CSMD1: variants seen among roughly 807,000 people sequenced by gnomAD.
CSMD1 encodes CUB and sushi domain-containing protein 1.
A neutral mutation model predicts 417.5 loss-of-function variants in CSMD1; 213 were observed. That is an observed-to-expected ratio of 0.51 (90% confidence interval 0.46 to 0.57). The LOEUF (loss-of-function observed/expected upper bound fraction) is 0.57, where lower values mean the gene tolerates loss of function less well. CSMD1 is among the 20% of genes least tolerant of loss of function. The pLI is 0.00. For synonymous variants in CSMD1, 2,862 were observed against 1,736.8 expected, an observed-to-expected ratio of 1.65 and a Z score of -16.11; for missense variants, 6,923 against 4,529.7, an observed-to-expected ratio of 1.53 and a Z score of -15.17.
intron 3 of CSMD1, among the ~76,000 whole-genome samples, chr8:4,164,880 G>GA (rs35866569): frequency 0.014 from 1,508 of 107,938 alleles, 14 homozygotes; most frequent in Non-Finnish European, 0.02. Context: ...CCATCTCAAA[G>GA]AAAAAAAAAA....
intron 3 of CSMD1, among the ~76,000 whole-genome samples, chr8:4,102,647 T>G (rs1187884268): frequency 6.6e-6 from 1 of 152,196 alleles, no homozygotes; most frequent in South Asian, 2.1e-4. Context: ...AAATGTTTTT[T>G]GCTGTAAAAC....
intron 3 of CSMD1, among the ~76,000 whole-genome samples, chr8:4,146,657 G>A (rs1052487066): frequency 4.9e-5 from 6 of 121,760 alleles, no homozygotes; most frequent in Admixed American, 2.1e-4. Flanking sequence ...CGTCCCCCAG[G>A]CTGGAGCGCA....
chr8:3,626,403 T>C (rs1563210958), intron 7 of CSMD1, among the ~76,000 whole-genome samples: 1 of 152,202 alleles, frequency 6.6e-6, no homozygotes, highest in Admixed American at 6.5e-5. Context: ...CCAGTTTATA[T>C]TACTTTGCAT....
At chr8:3,557,947 T>C (rs550341606) in intron 10 of CSMD1, among the ~76,000 whole-genome samples, 5 of 152,176 alleles carry the variant, frequency 3.3e-5, no homozygotes, top group Non-Finnish European at 7.4e-5. Flanking sequence ...TGCAAAAACA[T>C]TGTGGAATGT....
chr8:3,174,242 C>T (rs1473584602), intron 37 of CSMD1, among the ~76,000 whole-genome samples: 3 of 152,110 alleles, frequency 2.0e-5, no homozygotes, highest in East Asian at 1.9e-4. Context: ...GCCTGTAATC[C>T]CAGCACTTTG....
intron 2 of CSMD1, among the ~76,000 whole-genome samples, chr8:4,594,778 T>G (rs1316641830): frequency 1.3e-5 from 2 of 152,176 alleles, no homozygotes; most frequent in African/African-American, 2.4e-5. Context: ...TAAGCTATTT[T>G]AGGGCAGACA....
chr8:4,336,097 A>C (rs902435242), intron 3 of CSMD1, among the ~76,000 whole-genome samples: 1 of 152,116 alleles, frequency 6.6e-6, no homozygotes, highest in African/African-American at 2.4e-5. Context: ...AATTGATGAG[A>C]AATAGTGTAA....
intron 2 of CSMD1, among the ~76,000 whole-genome samples, chr8:4,431,841 T>C (rs1444577089): frequency 6.6e-6 from 1 of 152,136 alleles, no homozygotes; most frequent in Non-Finnish European, 1.5e-5. Context: ...TACTACGAAA[T>C]GTGGGCCTAT....
At chr8:3,636,825 G>C (rs1017095231) in intron 7 of CSMD1, among the ~76,000 whole-genome samples, 1 of 152,118 alleles carries the variant, frequency 6.6e-6, no homozygotes, top group South Asian at 2.1e-4. Context: ...TTTATTTTTT[G>C]CTATATGAGT....
chr8:3,376,253 T>C (rs1810295072), intron 18 of CSMD1, among the ~76,000 whole-genome samples: 1 of 151,878 alleles, frequency 6.6e-6, no homozygotes, highest in Non-Finnish European at 1.5e-5. Flanking sequence ...TATTAAGAAA[T>C]AAAGAGTAAA....
chr8:4,125,041 C>T (rs1802684586), intron 3 of CSMD1, among the ~76,000 whole-genome samples: 1 of 151,928 alleles, frequency 6.6e-6, no homozygotes, highest in Non-Finnish European at 1.5e-5. Flanking sequence ...CCGCACGTTT[C>T]TCTAATTCAG....
intron 7 of CSMD1, among the ~76,000 whole-genome samples, chr8:3,653,890 A>G (rs975974854): frequency 6.6e-6 from 1 of 152,220 alleles, no homozygotes; most frequent in African/African-American, 2.4e-5. Context: ...TCCTGACAGC[A>G]TCAGTATTAA....
chr8:3,936,779 G>C (rs144656236), intron 5 of CSMD1, among the ~76,000 whole-genome samples: 20 of 152,252 alleles, frequency 1.3e-4, no homozygotes, highest in African/African-American at 3.9e-4. Context: ...AAAAACTTTT[G>C]ACTTTCAATT....
chr8:3,711,925 T>C (rs898144009), intron 6 of CSMD1, among the ~76,000 whole-genome samples: 2 of 152,112 alleles, frequency 1.3e-5, no homozygotes, highest in African/African-American at 4.8e-5. Flanking sequence ...TTACTCAGAA[T>C]CTAAACAGAA....
chr8:4,187,811 A>G (rs1563243929), intron 3 of CSMD1, among the ~76,000 whole-genome samples: 1 of 152,142 alleles, frequency 6.6e-6, no homozygotes, highest in Non-Finnish European at 1.5e-5. Flanking sequence ...ATTATTTTCC[A>G]AAATCACAGT....
intron 25 of CSMD1, among the ~76,000 whole-genome samples, chr8:3,305,729 G>C (rs1439314554): frequency 1.3e-5 from 2 of 152,118 alleles, no homozygotes; most frequent in Non-Finnish European, 1.5e-5. Context: ...GCCCAGGTTG[G>C]AGTACAGTGG....
At chr8:3,307,945 A>T in intron 24 of CSMD1, 124 bp from the exon 25 acceptor site, 1 of 1,071,022 alleles carries the variant, frequency 9.3e-7, no homozygotes, top group East Asian at 2.6e-5. Flanking sequence ...AATCACCATC[A>T]TCTCTCTCTC....
intron 3 of CSMD1, among the ~76,000 whole-genome samples, chr8:4,198,936 G>T (rs561722670): frequency 2.0e-4 from 28 of 141,842 alleles, no homozygotes; most frequent in African/African-American, 7.2e-4. Context: ...TTGTATTTCC[G>T]TGTGTGTATT....
chr8:4,833,066 C>A (rs1375415072), intron 1 of CSMD1, among the ~76,000 whole-genome samples: 2 of 152,054 alleles, frequency 1.3e-5, no homozygotes, highest in African/African-American at 4.8e-5. Flanking sequence ...AAGTATATAC[C>A]ACTTGCCAAT....
Sources: allele counts gnomAD v4.1 joint callset (sites outside exome capture counted in the v4.1 genomes callset), GRCh38; gene constraint gnomAD v4.1.1; transcripts MANE v1.5; gene names NCBI Gene and HGNC (gene_info 2026-07-23, HGNC 2026-07-21).